CNTN1: variants seen among roughly 807,000 people sequenced by gnomAD.
The protein encoded by CNTN1 is contactin 1, also known as contactin-1.
Under a neutral mutation model 126.4 loss-of-function variants are expected in CNTN1, and 38 were observed. That is an observed-to-expected ratio of 0.30 (90% CI 0.23 to 0.39). The LOEUF is 0.39. CNTN1 is among the 10% of genes least tolerant of loss of function. The pLI, the probability that CNTN1 is intolerant of heterozygous loss-of-function variation, is 1.00. For missense variants in CNTN1, 1,009 were observed against 1,248.4 expected (o/e 0.81, Z 2.89); for synonymous variants, 413 against 422.6 (o/e 0.98, Z 0.28).
At chr12:41,062,934 A>G (rs1949967576) in intron 23 of CNTN1, among the ~76,000 whole-genome samples, 1 of 152,236 alleles carries the variant, frequency 6.6e-6, no homozygotes, top group African/African-American at 2.4e-5. Flanking sequence ...GAACACCACC[A>G]GTAAAAGAAC....
intron 1 of CNTN1, among the ~76,000 whole-genome samples, chr12:40,876,141 C>CAAA (rs76745017): frequency 1.4e-5 from 2 of 142,700 alleles, no homozygotes; most frequent in South Asian, 2.2e-4. Context: ...TAGTAAAAGC[C>CAAA]AAAAAAAAAA....
Position 41,029,044 on chromosome 12 carries a change from C to T in CNTN1, c.2824-19C>T. 6.2e-7 allele frequency: 1 copy of T among 1,612,958 alleles called. No individual in the cohort carries two copies. The highest frequency in any genetic ancestry group is 8.5e-7 in the Non-Finnish European group (1 of 1,179,046). On this transcript the variant is annotated intron_variant, in intron 22 of 23. Transcript: ENST00000551295. ...TTATTATGACTTTACTGCATATTTACATTTCTGTACTTTATAAGGTACTCT... is the reference window on the plus strand; with the variant it reads ...TTATTATGACTTTACTGCATATTTATATTTCTGTACTTTATAAGGTACTCT...
chr12:40,782,583 A>G (rs994567298), intron 1 of CNTN1, among the ~76,000 whole-genome samples: 6 of 151,974 alleles, frequency 3.9e-5, no homozygotes, highest in Non-Finnish European at 8.8e-5. Context: ...TCTGTCTAAC[A>G]CTGAAATTTG....
At chr12:40,733,494 C>T (rs910604106) in intron 1 of CNTN1, among the ~76,000 whole-genome samples, 2 of 151,884 alleles carry the variant, frequency 1.3e-5, no homozygotes, top group East Asian at 3.9e-4. Flanking sequence ...CTGCCCTCCC[C>T]CTTCCCCTGC....
intron 1 of CNTN1, among the ~76,000 whole-genome samples, chr12:40,772,700 G>A (rs1729849633): frequency 1.3e-5 from 2 of 151,848 alleles, no homozygotes; most frequent in Admixed American, 1.3e-4. Context: ...ATCTTAACAG[G>A]ACAATCAGAT....
chr12:40,724,955 C>T (rs1235318567), intron 1 of CNTN1, among the ~76,000 whole-genome samples: 2 of 152,184 alleles, frequency 1.3e-5, no homozygotes, highest in East Asian at 3.8e-4. Flanking sequence ...TCAGGAAATT[C>T]TCCTGGAACT....
chr12:40,744,006 C>A (rs1938060947), intron 1 of CNTN1, among the ~76,000 whole-genome samples: 1 of 151,912 alleles, frequency 6.6e-6, no homozygotes, highest in Admixed American at 6.6e-5. Flanking sequence ...GAGCCAGAAG[C>A]CATTATCCTC....
At chr12:40,995,400 A>ATT (rs200096884) in intron 17 of CNTN1, among the ~76,000 whole-genome samples, 5 of 149,618 alleles carry the variant, frequency 3.3e-5, no homozygotes, top group Non-Finnish European at 6.0e-5. Flanking sequence ...GAGAGGCTAC[A>ATT]TTTTTTTTTT....
intron 1 of CNTN1, among the ~76,000 whole-genome samples, chr12:40,733,490 T>C (rs1294730028): frequency 1.3e-5 from 2 of 151,768 alleles, no homozygotes; most frequent in African/African-American, 2.4e-5. Context: ...CTTCCTGCCC[T>C]CCCCCTTCCC....
At chr12:40,846,813 T>C (rs148721815) in intron 1 of CNTN1, among the ~76,000 whole-genome samples, 18 of 152,248 alleles carry the variant, frequency 1.2e-4, no homozygotes, top group African/African-American at 3.9e-4. Flanking sequence ...TGCCTCAGGC[T>C]CCCGAGTAGC....
chr12:40,984,121 A>G lies in CNTN1; in HGVS notation c.1963+3054A>G, dbSNP rs1947893704. On this transcript the variant is annotated intron_variant, in intron 16 of 23. Transcript: ENST00000551295. ...TATACTCAGTGAAATATATATAAAT[A>G]TATATATTACATCTCTATATGTCAC... 4.6e-5 allele frequency among the ~76,000 whole-genome samples: 7 copies of G among 150,970 alleles called. No homozygotes were observed. In the South Asian group the frequency reaches 1.5e-3, roughly 31 times the overall value.
intron 4 of CNTN1, among the ~76,000 whole-genome samples, chr12:40,921,036 C>T (rs1033405465): frequency 9.9e-5 from 15 of 152,194 alleles, no homozygotes; most frequent in Admixed American, 9.8e-4. Context: ...CAACTTAACA[C>T]TAGATGGTTC....
At chr12:40,939,521 T>A in intron 12 of CNTN1, 36 bp downstream of exon 12, 1 of 1,610,012 alleles carries the variant, frequency 6.2e-7, no homozygotes, top group Non-Finnish European at 8.5e-7. Flanking sequence ...TTGCAAAATC[T>A]GTTTGAAAAA....
intron 17 of CNTN1, among the ~76,000 whole-genome samples, chr12:40,994,507 G>C (rs1478395079): frequency 6.6e-6 from 1 of 152,154 alleles, no homozygotes; most frequent in Non-Finnish European, 1.5e-5. Context: ...TAAACCACCA[G>C]TGGAATCATG....
At chr12:40,824,783 AC>A (rs1328404212) in intron 1 of CNTN1, among the ~76,000 whole-genome samples, 2 of 152,058 alleles carry the variant, frequency 1.3e-5, no homozygotes, top group African/African-American at 4.8e-5. Flanking sequence ...TTTAAATATC[AC>A]CCCTTCCCTC....
intron 3 of CNTN1, among the ~76,000 whole-genome samples, chr12:40,910,835 C>T (rs145384315): frequency 7.9e-5 from 12 of 152,202 alleles, no homozygotes; most frequent in African/African-American, 2.6e-4. Flanking sequence ...AGTGTAGCAA[C>T]ACTAGTAACT....
intron 9 of CNTN1, among the ~76,000 whole-genome samples, chr12:40,934,405 T>G (rs751353845): frequency 6.6e-6 from 1 of 151,866 alleles, no homozygotes; most frequent in Non-Finnish European, 1.5e-5. Flanking sequence ...GAGTCACACT[T>G]TGAGAACCAC....
intron 1 of CNTN1, among the ~76,000 whole-genome samples, chr12:40,848,714 T>C: frequency 6.6e-6 from 1 of 152,102 alleles, no homozygotes; most frequent in East Asian, 1.9e-4. Context: ...CTAGCAAAGG[T>C]ACTTGGTCTT....
intron 1 of CNTN1, among the ~76,000 whole-genome samples, chr12:40,839,680 A>G (rs1487677862): frequency 6.6e-6 from 1 of 152,216 alleles, no homozygotes; most frequent in Non-Finnish European, 1.5e-5. Flanking sequence ...ATTATCCTTC[A>G]TTAATGACGT....
Sources: allele counts gnomAD v4.1 joint callset (sites outside exome capture counted in the v4.1 genomes callset), GRCh38; gene constraint gnomAD v4.1.1; transcripts MANE v1.5; gene names NCBI Gene and HGNC (gene_info 2026-07-23, HGNC 2026-07-21).